Variants in ADAMTS3 observed in about 807,000 individuals in gnomAD.
The protein encoded by ADAMTS3 is ADAM metallopeptidase with thrombospondin type 1 motif 3, also known as A disintegrin and metalloproteinase with thrombospondin motifs 3.
In ADAMTS3, 73 loss-of-function variants were observed where a neutral mutation model predicts 129.0. That is an observed-to-expected ratio of 0.57 (90% CI 0.47 to 0.69). The LOEUF (loss-of-function observed/expected upper bound fraction) is 0.69. Ranked by LOEUF, ADAMTS3 falls within the 30% of genes least tolerant of loss-of-function variation. The probability of loss-of-function intolerance (pLI) is 0.00; values close to 1 mark genes in which losing one functional copy is unlikely to be tolerated. For synonymous variants in ADAMTS3, 477 were observed against 510.8 expected, an observed-to-expected ratio of 0.93 and a Z score of 0.89; for missense variants, 1,457 against 1,514.5, an observed-to-expected ratio of 0.96 and a Z score of 0.63.
chr4:72,410,179 A>G (rs1722151557), intron 4 of ADAMTS3, among the ~76,000 whole-genome samples: 1 of 152,166 alleles, frequency 6.6e-6, no homozygotes, highest in African/African-American at 2.4e-5. Flanking sequence ...AGATTCAAGG[A>G]AGGGCTCTGG....
chr4:72,380,447 A>AT (rs1393043015), intron 4 of ADAMTS3, among the ~76,000 whole-genome samples: 1 of 152,104 alleles, frequency 6.6e-6, no homozygotes, highest in Non-Finnish European at 1.5e-5. Context: ...AATAAGAATG[A>AT]TTTTTTATAA....
At chr4:72,294,552 G>A (rs146111460) in intron 19 of ADAMTS3, among the ~76,000 whole-genome samples, 3 of 151,884 alleles carry the variant, frequency 2.0e-5, no homozygotes, top group South Asian at 2.1e-4. Context: ...ACATTACATC[G>A]TACCCCATAA....
At chr4:72,352,191 G>C (rs1335559488) in intron 4 of ADAMTS3, among the ~76,000 whole-genome samples, 1 of 151,992 alleles carries the variant, frequency 6.6e-6, no homozygotes, top group African/African-American at 2.4e-5. Context: ...CGGATGTAGT[G>C]AGAACACTTT....
At chr4:72,292,773 G>A (rs943858465) in intron 19 of ADAMTS3, among the ~76,000 whole-genome samples, 5 of 152,006 alleles carry the variant, frequency 3.3e-5, no homozygotes, top group Non-Finnish European at 7.4e-5. Context: ...ATATATATGA[G>A]GCACCAAAAT....
intron 3 of ADAMTS3, among the ~76,000 whole-genome samples, chr4:72,532,162 G>A (rs181153065): frequency 4.2e-4 from 64 of 152,136 alleles, no homozygotes; most frequent in African/African-American, 1.5e-3. Context: ...AGAGTTTTAG[G>A]GTCTGTCAGT....
Position 72,366,348 on chromosome 4 carries a change from T to C in ADAMTS3, c.662-26655A>G, listed in dbSNP as rs532469269. On this transcript the variant is annotated intron_variant, in intron 4 of 21. Coordinates refer to ENST00000286657, the MANE Select transcript of ADAMTS3 (RefSeq NM_014243.3). ...TTTTCATTATCTCGCTATTCACTAT[T>C]GTATTACGGTAGAAGACGATGTGAA... 1.1e-4 allele frequency among the ~76,000 whole-genome samples: 16 copies of C among 152,322 alleles called. 1 individual carries two copies. In the South Asian group the frequency reaches 3.3e-3, roughly 32 times the overall value.
intron 2 of ADAMTS3, 142 bp from the exon 3 acceptor site, chr4:72,549,026 T>A: frequency 3.0e-6 from 2 of 677,726 alleles, no homozygotes; most frequent in Non-Finnish European, 4.5e-6. Flanking sequence ...TCATAAATAT[T>A]AAATTTTGAG....
chr4:72,542,314 A>C (rs1002311133), intron 3 of ADAMTS3, among the ~76,000 whole-genome samples: 1 of 151,794 alleles, frequency 6.6e-6, no homozygotes, highest in Non-Finnish European at 1.5e-5. Flanking sequence ...ACAGGCGCCC[A>C]CCACCACGCC....
intron 3 of ADAMTS3, among the ~76,000 whole-genome samples, chr4:72,443,925 C>T (rs980219947): frequency 7.9e-5 from 12 of 151,814 alleles, no homozygotes; most frequent in African/African-American, 2.9e-4. Flanking sequence ...CCAAGGTCCT[C>T]ACAGTCTTTC....
intron 3 of ADAMTS3, among the ~76,000 whole-genome samples, chr4:72,471,590 AAAC>A (rs1401712403): frequency 6.6e-6 from 1 of 152,100 alleles, no homozygotes; most frequent in Middle Eastern, 3.2e-3. Flanking sequence ...ACTTCAACCA[AAAC>A]AACATTAAAA....
chr4:72,329,499 G>A lies in ADAMTS3; in HGVS notation c.862-6402C>T, dbSNP rs115852490. ...TATAAAGAGACTGAGACCAAGAGAG[G>A]ACACACAGTGTTTTCCTCAAATGAT... On this transcript the variant is annotated intron_variant, in intron 5 of 21. Coordinates refer to ENST00000286657, the MANE Select transcript of ADAMTS3 (RefSeq NM_014243.3). 5.3e-3 allele frequency among the ~76,000 whole-genome samples: 813 copies of A among 152,258 alleles called. 11 individuals are homozygous for A. The highest frequency in any genetic ancestry group is 0.019 in the African/African-American group (782 of 41,548).
chr4:72,423,735 G>A (rs889417398), intron 3 of ADAMTS3, among the ~76,000 whole-genome samples: 2 of 152,076 alleles, frequency 1.3e-5, no homozygotes, highest in Non-Finnish European at 2.9e-5. Context: ...GAAGGATTGA[G>A]GAAGGTAAAG....
chr4:72,467,181 C>A (rs988777819), intron 3 of ADAMTS3, among the ~76,000 whole-genome samples: 7 of 152,048 alleles, frequency 4.6e-5, no homozygotes, highest in African/African-American at 1.7e-4. Context: ...TCTCCTCTAG[C>A]TTTTTCTGGC....
intron 4 of ADAMTS3, among the ~76,000 whole-genome samples, chr4:72,367,414 G>A (rs1479997302): frequency 6.6e-6 from 1 of 151,934 alleles, no homozygotes; most frequent in African/African-American, 2.4e-5. Flanking sequence ...TCAAACAAGT[G>A]CAGATTTATT....
At chr4:72,382,692 T>C (rs1014134839) in intron 4 of ADAMTS3, among the ~76,000 whole-genome samples, 1 of 152,114 alleles carries the variant, frequency 6.6e-6, no homozygotes, top group African/African-American at 2.4e-5. Flanking sequence ...TGGCATACTA[T>C]GCAGCCATAA....
At chr4:72,480,887 G>T (rs1719416408) in intron 3 of ADAMTS3, among the ~76,000 whole-genome samples, 1 of 151,562 alleles carries the variant, frequency 6.6e-6, no homozygotes, top group South Asian at 2.1e-4. Context: ...AAATAAACCT[G>T]CAAAAATAAA....
At position 72,283,005 on chromosome 4, in the gene ADAMTS3, T is replaced by C; in HGVS notation, c.*131A>G. 2.6e-6 allele frequency: 2 copies of C among 762,744 alleles called. No individual in the cohort carries two copies. Among genetic ancestry groups the C allele is most frequent in the Non-Finnish European group, 4.2e-6 (2 of 481,908 alleles). 47.2% of individuals were successfully genotyped at this position (762,744 alleles called of 1,614,324 possible). ...AACTAGAAAGTGAGCCAGCACTTTCTGTTCTTCCAATTACAGATAAAATGA... is the reference window on the plus strand; with the variant it reads ...AACTAGAAAGTGAGCCAGCACTTTCCGTTCTTCCAATTACAGATAAAATGA... On this transcript the variant is annotated 3_prime_UTR_variant, in exon 22 of 22. Coordinates refer to ENST00000286657, the MANE Select transcript of ADAMTS3 (RefSeq NM_014243.3).
chr4:72,450,371 C>T (rs745638376), intron 3 of ADAMTS3, among the ~76,000 whole-genome samples: 1 of 151,696 alleles, frequency 6.6e-6, no homozygotes, highest in Non-Finnish European at 1.5e-5. Context: ...ATGCAAGGCA[C>T]CCCTCTGCTA....
intron 6 of ADAMTS3, among the ~76,000 whole-genome samples, chr4:72,322,760 C>A (rs1055765293): frequency 6.6e-6 from 1 of 152,098 alleles, no homozygotes; most frequent in Non-Finnish European, 1.5e-5. Context: ...TAAGTCACAC[C>A]TAAAGTCAGG....
Sources: allele counts gnomAD v4.1 joint callset (sites outside exome capture counted in the v4.1 genomes callset), GRCh38; gene constraint gnomAD v4.1.1; transcripts MANE v1.5; gene names NCBI Gene and HGNC (gene_info 2026-07-23, HGNC 2026-07-21).